The following PDE6A variants were observed in gnomAD, a reference collection of about 807,000 sequenced individuals.
The protein encoded by PDE6A is rod cGMP-specific 3',5'-cyclic phosphodiesterase subunit alpha.
A neutral mutation model predicts 106.3 loss-of-function variants in PDE6A; 84 were observed. That is an observed-to-expected ratio of 0.79 (90% confidence interval 0.66 to 0.95). The LOEUF is 0.95. PDE6A is among the 40% of genes least tolerant of loss of function. PDE6A has a pLI of 0.00. For synonymous variants in PDE6A, 394 were observed against 386.6 expected (o/e 1.02, Z -0.23); for missense variants, 1,052 against 1,084.9 (o/e 0.97, Z 0.43).
Position 149,933,964 on chromosome 5 carries a change from C to T in PDE6A, c.683G>A (p.Ser228Asn). The T allele has an allele frequency of 6.2e-7, 1 of 1,614,020 alleles. No individual in the cohort carries two copies. Among genetic ancestry groups the T allele is most frequent in the Middle Eastern group, 1.7e-4 (1 of 6,058 alleles). The change falls in exon 3 of 22, where the codon AGT becomes AAT. Residue 228 changes from serine to asparagine, a missense_variant. Ser to Asn is a conservative substitution (Grantham distance 46, BLOSUM62 1). Around this residue, in one of 3 missense-constraint regions of PDE6A, gnomAD observed 913 missense variants for 915.2 expected, o/e 1.00. Coordinates refer to ENST00000255266, the MANE Select transcript of PDE6A (RefSeq NM_000440.3). ...ANLIMKVYHL[S>N]YLHNCETRRG... The stretch of plus-strand genomic sequence containing the variant: ...TCGAGTTTCACAGTTGTGCAGGTAA[C>T]TCAGGTGGTACACCTTCATGATTAG...
chr5:149,914,579 C>T (rs549897548), intron 6 of PDE6A, among the ~76,000 whole-genome samples: 5 of 151,098 alleles, frequency 3.3e-5, no homozygotes, highest in Non-Finnish European at 5.9e-5. Flanking sequence ...GAGAGGTAAA[C>T]GCCAATTTCC....
Position 149,928,555 on chromosome 5 carries a change from T to C in PDE6A, c.858+2473A>G, listed in dbSNP as rs534371114. On this transcript the variant is annotated intron_variant, in intron 4 of 21. Coordinates refer to ENST00000255266, the MANE Select transcript of PDE6A (RefSeq NM_000440.3). The stretch of plus-strand genomic sequence containing the variant: ...CCGGCCTGTATGTGCTATACTTTTA[T>C]GCAACTGGCAGTGCGGTAGGTTTTT... Among the ~76,000 whole-genome samples the C allele has an allele frequency of 3.3e-4, 50 of 152,250 alleles. 1 individual carries two copies. The highest frequency in any genetic ancestry group is 1.7e-3 in the Admixed American group (26 of 15,284).
rs140793833 is a variant in PDE6A, at chr5:149,900,139, A to G, written c.1114-615T>C. ...GAAGTCGAGGCAGGCGGATCACTTG[A>G]TGTCAGGAGTTTGAGACCAGCCTGA... On this transcript the variant is annotated intron_variant, in intron 8 of 21. Coordinates refer to ENST00000255266, the MANE Select transcript of PDE6A (RefSeq NM_000440.3). Among the ~76,000 whole-genome samples, 12 of 151,968 alleles carry G rather than the reference A, an allele frequency of 7.9e-5. No individual in the cohort carries two copies. In the East Asian group the frequency reaches 1.8e-3, roughly 22 times the overall value.
chr5:149,907,514 C>T (rs1466494849), intron 6 of PDE6A, 136 bp from the exon 7 acceptor site: 3 of 705,866 alleles, frequency 4.3e-6, no homozygotes, highest in East Asian at 2.7e-5. Flanking sequence ...CCTGACCAAA[C>T]CCAAAATGTT....
chr5:149,901,396 C>T (rs1246270084), intron 8 of PDE6A, among the ~76,000 whole-genome samples: 4 of 151,992 alleles, frequency 2.6e-5, no homozygotes, highest in Non-Finnish European at 4.4e-5. Context: ...AGAATGGGGG[C>T]GCATGCCTGT....
intron 19 of PDE6A, chr5:149,866,612 C>G (rs1760340740): frequency 4.4e-6 from 1 of 228,688 alleles, no homozygotes; most frequent in South Asian, 7.3e-5. Flanking sequence ...CTGATTTGAA[C>G]AAATCAACTG....
At position 149,860,561 on chromosome 5, in the gene PDE6A, G is replaced by A. The variant is rs1458134516; in HGVS notation, c.*334C>T. On this transcript the variant is annotated 3_prime_UTR_variant, in exon 22 of 22. Coordinates refer to ENST00000255266, the MANE Select transcript of PDE6A (RefSeq NM_000440.3). Reference sequence around the variant, plus strand: ...GCCAAGCTTGTTCAACCCACGGCCCGTGGGCCACATGCAGCCCAGGACGGC... The same window carrying A: ...GCCAAGCTTGTTCAACCCACGGCCCATGGGCCACATGCAGCCCAGGACGGC... 2.2e-5 allele frequency: 5 copies of A among 228,208 alleles called. No individual in the cohort carries two copies. The highest frequency in any genetic ancestry group is 1.0e-4 in the South Asian group (1 of 9,616). The allele number at this position is 228,208 out of a possible 1,614,324, so 14.1% of individuals were successfully genotyped here. A position where few individuals can be genotyped will look rare whatever the true frequency, so the allele number is the denominator to read the frequency against.
chr5:149,890,676 T>C (rs1426762917), intron 13 of PDE6A, among the ~76,000 whole-genome samples: 1 of 152,202 alleles, frequency 6.6e-6, no homozygotes, highest in Non-Finnish European at 1.5e-5. Context: ...CAGGTGGTTT[T>C]TCACTCTGCT....
At chr5:149,930,577 C>CA (rs945244297) in intron 4 of PDE6A, among the ~76,000 whole-genome samples, 7 of 152,234 alleles carry the variant, frequency 4.6e-5, no homozygotes, top group African/African-American at 1.7e-4. Flanking sequence ...GGCCCCTGAA[C>CA]ATGTGAGGGA....
At chr5:149,870,395 CA>C (rs1248508989) in intron 17 of PDE6A, among the ~76,000 whole-genome samples, 1 of 152,144 alleles carries the variant, frequency 6.6e-6, no homozygotes, top group African/African-American at 2.4e-5. Context: ...GTGCTGTGGA[CA>C]TGTTTACTTA....
chr5:149,913,871 C>A (rs1179326816), intron 6 of PDE6A, among the ~76,000 whole-genome samples: 1 of 152,180 alleles, frequency 6.6e-6, no homozygotes, highest in African/African-American at 2.4e-5. Context: ...TGCAACCGTT[C>A]AAATCTTCTA....
At chr5:149,862,979 T>A in intron 21 of PDE6A, 140 bp downstream of exon 21, 1 of 1,055,956 alleles carries the variant, frequency 9.5e-7, no homozygotes, top group Non-Finnish European at 1.5e-6. Context: ...GCCTTGGTGC[T>A]CTCACACACA....
Position 149,944,187 on chromosome 5 carries a change from G to A in PDE6A, c.474+13C>T. ...AATGCCCCATGCCCTCTCTCTCATG[G>A]GGAAGAGAGTACCTCCTCTGTGTTG... On this transcript the variant is annotated intron_variant, in intron 1 of 21. Transcript: ENST00000255266. 1 of 1,597,218 alleles carries A rather than the reference G, an allele frequency of 6.3e-7. No homozygotes were observed. Among genetic ancestry groups the A allele is most frequent in the Non-Finnish European group, 8.6e-7 (1 of 1,165,154 alleles).
At chr5:149,890,887 G>A (rs942888189) in intron 13 of PDE6A, among the ~76,000 whole-genome samples, 2 of 152,166 alleles carry the variant, frequency 1.3e-5, no homozygotes, top group African/African-American at 4.8e-5. Context: ...TACTGAAATT[G>A]GTGAGATATA....
At chr5:149,885,031 C>T (rs1474968676) in intron 14 of PDE6A, among the ~76,000 whole-genome samples, 164 bp from the exon 15 acceptor site, 1 of 152,150 alleles carries the variant, frequency 6.6e-6, no homozygotes, top group Non-Finnish European at 1.5e-5. Flanking sequence ...GACCCCTTCC[C>T]CAGAGAAAGC....
chr5:149,916,618 C>A (rs1753563006), intron 5 of PDE6A, among the ~76,000 whole-genome samples: 1 of 152,166 alleles, frequency 6.6e-6, no homozygotes, highest in African/African-American at 2.4e-5. Context: ...CTCTAGCATG[C>A]AATTGGATGT....
intron 4 of PDE6A, among the ~76,000 whole-genome samples, chr5:149,925,783 G>A (rs1753850119): frequency 1.3e-5 from 2 of 149,704 alleles, no homozygotes; most frequent in South Asian, 2.1e-4. Flanking sequence ...CACAAAAAAC[G>A]AAATGATGAA....
intron 3 of PDE6A, 90 bp downstream of exon 3, chr5:149,933,840 C>A: frequency 1.1e-6 from 1 of 924,406 alleles, no homozygotes; most frequent in East Asian, 2.6e-5. Flanking sequence ...TCCTAGGCAC[C>A]TTCATTCCCA....
Position 149,877,087 on chromosome 5 carries a change from G to A in PDE6A, c.2135+6342C>T, listed in dbSNP as rs533583346. On this transcript the variant is annotated intron_variant, in intron 17 of 21. Coordinates refer to ENST00000255266, the MANE Select transcript of PDE6A (RefSeq NM_000440.3). ...AATCAGTTGCTACCATCTTCAGTAC[G>A]TATTACTGATGTGCCTTTGCCCTAG... is the stretch of plus-strand genomic sequence containing the variant. Among the ~76,000 whole-genome samples, 23 of 152,278 alleles carry A rather than the reference G, an allele frequency of 1.5e-4. No individual in the cohort carries two copies. In the East Asian group the frequency reaches 3.7e-3, roughly 24 times the overall value.
Sources: gnomAD v4.1 joint callset for allele counts (sites outside exome capture counted in the v4.1 genomes callset) on GRCh38, gnomAD v4.1.1 for gene constraint, gnomAD v4.1.1 regional missense constraint, MANE v1.5 for transcripts, NCBI Gene and HGNC (gene_info 2026-07-23, HGNC 2026-07-21) for gene names.